Variants in CSMD1 observed in about 807,000 individuals in gnomAD.
CSMD1 encodes CUB and Sushi multiple domains 1.
CSMD1 carries 213 observed loss-of-function variants against 417.5 expected under a neutral mutation model. That is an observed-to-expected ratio of 0.51 (90% CI 0.46 to 0.57). The LOEUF is 0.57. Among genes scored for constraint, CSMD1 ranks in the 20% least tolerant of loss-of-function variants. The pLI is 0.00. For synonymous variants in CSMD1, 2,862 were observed against 1,736.8 expected, an observed-to-expected ratio of 1.65 and a Z score of -16.11; for missense variants, 6,923 against 4,529.7, an observed-to-expected ratio of 1.53 and a Z score of -15.17.
chr8:4,114,070 T>C (rs1204902589), intron 3 of CSMD1, among the ~76,000 whole-genome samples: 1 of 152,186 alleles, frequency 6.6e-6, no homozygotes, highest in Non-Finnish European at 1.5e-5. Flanking sequence ...AGATTTTCCA[T>C]GTAGACAAAA....
At chr8:2,961,286 T>C (rs1028413761) in intron 61 of CSMD1, 72 bp from the exon 62 acceptor site, 4 of 863,762 alleles carry the variant, frequency 4.6e-6, no homozygotes, top group Non-Finnish European at 7.4e-6. Context: ...CAGCTTTCAC[T>C]AAAAGGTCTC....
At chr8:4,026,536 A>G (rs2130540154) in intron 4 of CSMD1, among the ~76,000 whole-genome samples, 1 of 152,344 alleles carries the variant, frequency 6.6e-6, no homozygotes, top group Non-Finnish European at 1.5e-5. Flanking sequence ...AGCAATAAAC[A>G]ATGAAGGAAA....
intron 5 of CSMD1, among the ~76,000 whole-genome samples, chr8:3,840,097 T>G (rs983376925): frequency 5.3e-5 from 8 of 152,156 alleles, no homozygotes; most frequent in African/African-American, 1.7e-4. Flanking sequence ...CAATGAATAT[T>G]TTCTTAATTG....
At chr8:3,765,980 A>C (rs1798246973) in intron 5 of CSMD1, among the ~76,000 whole-genome samples, 1 of 152,248 alleles carries the variant, frequency 6.6e-6, no homozygotes, top group Non-Finnish European at 1.5e-5. Flanking sequence ...ATTAACCCAG[A>C]GGTCAGGCAG....
intron 2 of CSMD1, among the ~76,000 whole-genome samples, chr8:4,492,782 A>G (rs1233347114): frequency 6.6e-6 from 1 of 152,218 alleles, no homozygotes; most frequent in East Asian, 1.9e-4. Flanking sequence ...CTCTTTCCAT[A>G]CAGTTCTTGA....
At chr8:4,397,621 A>G (rs1052623096) in intron 3 of CSMD1, among the ~76,000 whole-genome samples, 2 of 149,654 alleles carry the variant, frequency 1.3e-5, no homozygotes, top group Admixed American at 6.7e-5. Context: ...TTTGCTAATG[A>G]AACAGACAAT....
At chr8:4,327,714 A>G (rs1799639314) in intron 3 of CSMD1, among the ~76,000 whole-genome samples, 1 of 152,216 alleles carries the variant, frequency 6.6e-6, no homozygotes, top group African/African-American at 2.4e-5. Context: ...AGAAGTTTAA[A>G]ATGAATAACA....
chr8:3,812,957 G>A (rs1256825829), intron 5 of CSMD1, among the ~76,000 whole-genome samples: 1 of 152,092 alleles, frequency 6.6e-6, no homozygotes, highest in Non-Finnish European at 1.5e-5. Context: ...CATGGTAAAG[G>A]GAACAGGCAG....
chr8:4,806,509 T>C (rs560597624), intron 1 of CSMD1, among the ~76,000 whole-genome samples: 2 of 152,192 alleles, frequency 1.3e-5, no homozygotes, highest in East Asian at 1.9e-4. Context: ...ATTCACTTCT[T>C]TCCTCTGGAG....
chr8:3,387,715 A>G (rs1811098031), intron 17 of CSMD1, 33 bp from the exon 18 acceptor site: 4 of 1,541,880 alleles, frequency 2.6e-6, no homozygotes, highest in East Asian at 2.4e-5. Context: ...GTCGATGAGG[A>G]TCTTTCTGGT....
intron 5 of CSMD1, among the ~76,000 whole-genome samples, chr8:3,821,764 A>C (rs1446400292): frequency 6.6e-6 from 1 of 152,204 alleles, no homozygotes. Context: ...CCTGGGTGAC[A>C]GAGTGAGACT....
At chr8:4,066,253 C>T (rs1035634) in intron 3 of CSMD1, among the ~76,000 whole-genome samples, 126,718 of 152,172 alleles carry the variant, frequency 0.83, 52,817 homozygotes, top group Admixed American at 0.88. Context: ...CCTGTTCCCA[C>T]TGCACCTCTG....
At chr8:4,423,383 T>C (rs1325133969) in intron 2 of CSMD1, among the ~76,000 whole-genome samples, 1 of 152,040 alleles carries the variant, frequency 6.6e-6, no homozygotes, top group Non-Finnish European at 1.5e-5. Flanking sequence ...ATAATGAACA[T>C]ACAAAAATCT....
At chr8:4,563,282 T>C (rs1375701015) in intron 2 of CSMD1, among the ~76,000 whole-genome samples, 1 of 152,110 alleles carries the variant, frequency 6.6e-6, no homozygotes, top group Admixed American at 6.5e-5. Context: ...GCACCTGTAG[T>C]CCCAGCTACT....
At chr8:2,961,037 T>G in intron 62 of CSMD1, 104 bp downstream of exon 62, 1 of 563,052 alleles carries the variant, frequency 1.8e-6, no homozygotes, top group South Asian at 3.7e-5. Context: ...CAGGTAAATA[T>G]AACATGAATA....
intron 1 of CSMD1, among the ~76,000 whole-genome samples, chr8:4,865,052 T>C (rs1461759568): frequency 1.3e-5 from 2 of 151,698 alleles, no homozygotes; most frequent in African/African-American, 4.8e-5. Context: ...TTTTAAATTT[T>C]TATTTCAATA....
chr8:3,645,772 G>A (rs1797542905), intron 7 of CSMD1, among the ~76,000 whole-genome samples: 1 of 152,168 alleles, frequency 6.6e-6, no homozygotes, highest in African/African-American at 2.4e-5. Flanking sequence ...AAGAAAAGGT[G>A]AGAAAAACAG....
intron 5 of CSMD1, among the ~76,000 whole-genome samples, chr8:3,850,854 C>T (rs781138239): frequency 3.3e-5 from 5 of 152,112 alleles, no homozygotes; most frequent in Non-Finnish European, 7.4e-5. Context: ...AGATACTCTA[C>T]AGACTCAAGA....
chr8:3,639,423 G>A (rs543850994), intron 7 of CSMD1, among the ~76,000 whole-genome samples: 4 of 152,262 alleles, frequency 2.6e-5, no homozygotes, highest in East Asian at 3.9e-4. Context: ...ACCAACTTAT[G>A]CTGAAAAAAC....
Sources: gnomAD v4.1 joint callset for allele counts (sites outside exome capture counted in the v4.1 genomes callset) on GRCh38, gnomAD v4.1.1 for gene constraint, MANE v1.5 for transcripts, NCBI Gene and HGNC (gene_info 2026-07-23, HGNC 2026-07-21) for gene names.